Variants in PRSS12 observed in about 807,000 individuals in gnomAD.
The protein encoded by PRSS12 is neurotrypsin.
PRSS12 carries 85 observed loss-of-function variants against 104.4 expected under a neutral mutation model. The ratio of observed to expected loss-of-function variants is 0.81; its 90% CI spans 0.68 to 0.98. The LOEUF (loss-of-function observed/expected upper bound fraction) is 0.98. Among genes scored for constraint, PRSS12 ranks in the 50% least tolerant of loss-of-function variants. PRSS12 has a pLI of 0.00. For missense variants in PRSS12, 1,141 were observed against 1,139.2 expected, an observed-to-expected ratio of 1.00 and a Z score of -0.02; for synonymous variants, 454 against 425.2, an observed-to-expected ratio of 1.07 and a Z score of -0.83.
intron 3 of PRSS12, among the ~76,000 whole-genome samples, chr4:118,335,025 C>T (rs1724025269): frequency 6.6e-6 from 1 of 152,132 alleles, no homozygotes; most frequent in South Asian, 2.1e-4. Flanking sequence ...AGGGAAGGTG[C>T]TCTCTACAGC....
At chr4:118,294,810 G>A (rs555907875) in intron 11 of PRSS12, 129 bp downstream of exon 11, 3 of 1,299,030 alleles carry the variant, frequency 2.3e-6, no homozygotes, top group African/African-American at 1.5e-5. Context: ...TCATTCCACA[G>A]GGCTGCTGGC....
intron 1 of PRSS12, among the ~76,000 whole-genome samples, chr4:118,344,162 T>C (rs1175886238): frequency 2.6e-5 from 4 of 152,128 alleles, no homozygotes; most frequent in East Asian, 1.9e-4. Flanking sequence ...TTCAAAAGAA[T>C]AGAAAAAAAC....
chr4:118,316,837 A>T (rs201926694), intron 5 of PRSS12, among the ~76,000 whole-genome samples: 2,230 of 99,182 alleles, frequency 0.022, 87 homozygotes, highest in African/African-American at 0.069. Context: ...AAAAAAAAAA[A>T]ATATATATAT....
Position 118,294,812 on chromosome 4 carries a change from G to A in PRSS12, c.2039+127C>T, listed in dbSNP as rs889970093. 142 of 1,322,686 alleles carry A rather than the reference G, an allele frequency of 1.1e-4. 1 individual carries two copies. In the Admixed American group the frequency reaches 2.3e-3, roughly 21 times the overall value. 81.9% of individuals were successfully genotyped at this position (1,322,686 alleles called of 1,614,324 possible). A position where few individuals can be genotyped will look rare whatever the true frequency, so the allele number is the denominator to read the frequency against. On this transcript the variant is annotated intron_variant, in intron 11 of 12. Coordinates refer to ENST00000296498, the MANE Select transcript of PRSS12 (RefSeq NM_003619.4). ...TTTTGTCACTCCCTCATTCCACAGG[G>A]CTGCTGGCACAAGCAGCGAAAGCTC...
intron 4 of PRSS12, among the ~76,000 whole-genome samples, chr4:118,325,731 G>A (rs1418120837): frequency 6.6e-6 from 1 of 152,030 alleles, no homozygotes; most frequent in Non-Finnish European, 1.5e-5. Flanking sequence ...AAAGCTGTGT[G>A]TTCTCTGTCC....
In PRSS12 at chr4:118,335,518, A is replaced by C. The variant is rs376840946; in HGVS notation, c.775T>G (p.Cys259Gly). The change falls in exon 3 of 13, where the codon TGT (cysteine) becomes GGT (glycine). Residue 259 changes from cysteine (C) to glycine (G), a missense_variant. Cys to Gly is a radical substitution (Grantham distance 159). Transcript: ENST00000296498. ...ACAGCAGCTGCCATCTTCTGAGGACACACCCCACCCTGCCAGATGTCTTTT... is the reference window on the plus strand; with the variant it reads ...ACAGCAGCTGCCATCTTCTGAGGACCCACCCCACCCTGCCAGATGTCTTTT... ...CEKDIWQGGV[C>G]PQKMAAAVTC... 2 of 1,614,072 alleles carry C rather than the reference A, an allele frequency of 1.2e-6. No homozygotes were observed. The highest frequency in any genetic ancestry group is 1.7e-6 in the Non-Finnish European group (2 of 1,179,982).
chr4:118,316,043 T>C, intron 6 of PRSS12, 139 bp downstream of exon 6: 1 of 933,098 alleles, frequency 1.1e-6, no homozygotes, highest in Non-Finnish European at 1.6e-6. Flanking sequence ...TCATTATTTT[T>C]CATTGTTGTA....
At chr4:118,306,235 G>T (rs1196519723) in intron 8 of PRSS12, among the ~76,000 whole-genome samples, 1 of 152,148 alleles carries the variant, frequency 6.6e-6, no homozygotes, top group African/African-American at 2.4e-5. Context: ...ACCAACACTT[G>T]TTATCCTTTG....
At chr4:118,298,595 G>A (rs1466745712) in intron 9 of PRSS12, 138 bp downstream of exon 9, 34 of 954,292 alleles carry the variant, frequency 3.6e-5, no homozygotes, top group Admixed American at 1.0e-4. Context: ...AAGAACTACC[G>A]GATCTAAGTA....
intron 9 of PRSS12, 138 bp downstream of exon 9, chr4:118,298,595 G>T: frequency 1.0e-6 from 1 of 954,412 alleles, no homozygotes; most frequent in Non-Finnish European, 1.6e-6. Context: ...AAGAACTACC[G>T]GATCTAAGTA....
Position 118,295,871 on chromosome 4 carries a change from G to C in PRSS12, c.1838-15C>G. On this transcript the variant is annotated splice_polypyrimidine_tract_variant and intron_variant, in intron 9 of 12. Coordinates refer to ENST00000296498, the MANE Select transcript of PRSS12 (RefSeq NM_003619.4). ...TGAGAGGGACTCTGAAGCAGAAATA[G>C]GTCATTAATTAAACTATCACATTGC... 6.2e-7 allele frequency: 1 copy of C among 1,606,634 alleles called. No individual in the cohort carries two copies. The highest frequency in any genetic ancestry group is 8.5e-7 in the Non-Finnish European group (1 of 1,173,224).
Position 118,313,288 on chromosome 4 carries a change from G to C in PRSS12, c.1402C>G (p.Arg468Gly), listed in dbSNP as rs377444158. The change falls in exon 7 of 13, where the codon CGA (arginine) becomes GGA (glycine). Residue 468 changes from arginine to glycine, a missense_variant. Physicochemically the swap from Arg to Gly is moderately radical, Grantham distance 125. Coordinates refer to ENST00000296498, the MANE Select transcript of PRSS12 (RefSeq NM_003619.4). ...CTGCAGTCATGCCTTCCCCACTGTC[G>C]CCTGGAACACTGAAGAAATCTGGTT... ...KETRFLQCSR[R>G]QWGRHDCSHR... 6.2e-7 allele frequency: 1 copy of C among 1,614,012 alleles called. No individual in the cohort carries two copies. Among genetic ancestry groups the C allele is most frequent in the South Asian group, 1.1e-5 (1 of 91,068 alleles).
intron 2 of PRSS12, among the ~76,000 whole-genome samples, chr4:118,337,661 A>G (rs1018862200): frequency 3.9e-5 from 6 of 152,162 alleles, no homozygotes; most frequent in Non-Finnish European, 5.9e-5. Context: ...CCCATCAAGG[A>G]CAAGGGCACA....
At chr4:118,295,700 G>C in intron 10 of PRSS12, 78 bp downstream of exon 10, 1 of 1,325,888 alleles carries the variant, frequency 7.5e-7, no homozygotes, top group Non-Finnish European at 1.1e-6. Flanking sequence ...TTATATAACA[G>C]AACATCCCCA....
intron 8 of PRSS12, among the ~76,000 whole-genome samples, chr4:118,306,950 C>T (rs754242754): frequency 1.3e-5 from 2 of 151,914 alleles, no homozygotes; most frequent in African/African-American, 4.8e-5. Flanking sequence ...GGATCACTTC[C>T]ACCAAGACAA....
chr4:118,289,020 T>G (rs1376024301), intron 11 of PRSS12, among the ~76,000 whole-genome samples: 3 of 152,170 alleles, frequency 2.0e-5, no homozygotes, highest in Non-Finnish European at 2.9e-5. Context: ...TACGAAAACT[T>G]TGCCAGCCTT....
chr4:118,289,005 TG>T (rs1743074716), intron 11 of PRSS12, among the ~76,000 whole-genome samples: 1 of 152,160 alleles, frequency 6.6e-6, no homozygotes, highest in Non-Finnish European at 1.5e-5. Flanking sequence ...GAATAAGAGT[TG>T]AGTTACGAAA....
chr4:118,300,514 G>A (rs967125488), intron 8 of PRSS12, among the ~76,000 whole-genome samples: 11 of 151,944 alleles, frequency 7.2e-5, no homozygotes, highest in African/African-American at 2.2e-4. Flanking sequence ...GTTATCAAAG[G>A]CAAAAGCTTT....
intron 4 of PRSS12, among the ~76,000 whole-genome samples, chr4:118,326,782 G>A (rs797001593): frequency 1.3e-5 from 2 of 152,272 alleles, no homozygotes; most frequent in African/African-American, 4.8e-5. Context: ...GGAATATTGT[G>A]TAATCTCAGT....
Sources: gnomAD v4.1 joint callset for allele counts (sites outside exome capture counted in the v4.1 genomes callset) on GRCh38, gnomAD v4.1.1 for gene constraint, MANE v1.5 for transcripts, NCBI Gene and HGNC (gene_info 2026-07-23, HGNC 2026-07-21) for gene names.